The following CD36 variants were observed in gnomAD, a reference collection of about 807,000 sequenced individuals.
CD36 encodes CD36 molecule (CD36 blood group).
CD36 carries 119 observed loss-of-function variants against 55.2 expected under a neutral mutation model. That is an observed-to-expected ratio of 2.15 (90% CI 1.86 to 2.51). CD36 has a LOEUF of 2.51. CD36 is among the 30% of genes most tolerant of loss of function. The pLI, the probability that CD36 is intolerant of heterozygous loss-of-function variation, is 0.00. For missense variants in CD36, 819 were observed against 555.5 expected, an observed-to-expected ratio of 1.47 and a Z score of -4.77; for synonymous variants, 186 against 193.6, an observed-to-expected ratio of 0.96 and a Z score of 0.33.
chr7:80,673,300 G>T (rs1797900343), intron 12 of CD36, 55 bp from the exon 13 acceptor site: 5 of 801,954 alleles, frequency 6.2e-6, no homozygotes, highest in Non-Finnish European at 1.0e-5. Context: ...TTTAAAGTTT[G>T]TTATATATAA....
At chr7:80,666,727 C>CT (rs1453801477) in intron 8 of CD36, among the ~76,000 whole-genome samples, 1 of 152,150 alleles carries the variant, frequency 6.6e-6, no homozygotes, top group Non-Finnish European at 1.5e-5. Flanking sequence ...GAAATGTTTG[C>CT]TTTGTAAAAA....
At chr7:80,657,649 ACT>A (rs989710862) in intron 4 of CD36, among the ~76,000 whole-genome samples, 1 of 151,760 alleles carries the variant, frequency 6.6e-6, no homozygotes, top group African/African-American at 2.4e-5. Flanking sequence ...AATTATAGAC[ACT>A]CTGTCTTTTT....
rs780628336 is a variant in CD36 at position 80,673,341 on chromosome 7, AACG to A, written c.1200-13_1200-11del. ...AGTTTATATGTTCATAATTATTTTC[AACG>A]TATATTACAGAGTATTAAAGAATCT... On this transcript the variant is annotated splice_polypyrimidine_tract_variant and intron_variant, in intron 12 of 14. Transcript: ENST00000447544. 47 of 1,201,690 alleles carry A rather than the reference AACG, an allele frequency of 3.9e-5. No individual in the cohort carries two copies. In the East Asian group the frequency reaches 6.9e-4, roughly 18 times the overall value. The allele number at this position is 1,201,690 out of a possible 1,614,324, so 74.4% of individuals were successfully genotyped here.
chr7:80,630,546 G>A (rs1005071921), intron 1 of CD36, among the ~76,000 whole-genome samples: 2 of 151,996 alleles, frequency 1.3e-5, no homozygotes, highest in Non-Finnish European at 2.9e-5. Context: ...CAATCTTTTG[G>A]GATGTGCTTC....
chr7:80,622,414 G>T (rs529283940), intron 1 of CD36, among the ~76,000 whole-genome samples: 11 of 152,106 alleles, frequency 7.2e-5, no homozygotes, highest in Non-Finnish European at 1.5e-4. Flanking sequence ...GAACAAAGAA[G>T]AATAATGGCA....
In CD36 at chr7:80,676,644, T is replaced by C. The variant is rs1798174924; in HGVS notation, c.*261T>C. ...ATAATTGGCTTATGACTCATATTTC[T>C]CTATGAATACCTTCATACAGCAGGT... On this transcript the variant is annotated 3_prime_UTR_variant, in exon 15 of 15. Transcript: ENST00000447544. 1 of 152,200 alleles carries C rather than the reference T, an allele frequency of 6.6e-6. No individual in the cohort carries two copies. The highest frequency in any genetic ancestry group is 1.5e-5 in the Non-Finnish European group (1 of 68,030). 9.4% of individuals were successfully genotyped at this position (152,200 alleles called of 1,614,324 possible).
intron 1 of CD36, among the ~76,000 whole-genome samples, chr7:80,615,153 C>T (rs1793078478): frequency 6.6e-6 from 1 of 152,166 alleles, no homozygotes; most frequent in Non-Finnish European, 1.5e-5. Context: ...AGGCTGAATA[C>T]AAGTTTTAGT....
At chr7:80,628,103 G>C (rs1341555515) in intron 1 of CD36, among the ~76,000 whole-genome samples, 1 of 151,834 alleles carries the variant, frequency 6.6e-6, no homozygotes, top group Non-Finnish European at 1.5e-5. Flanking sequence ...TCAGATACTG[G>C]AATAAACAAA....
intron 1 of CD36, among the ~76,000 whole-genome samples, chr7:80,631,711 C>A (rs1490727951): frequency 1.3e-5 from 2 of 151,406 alleles, no homozygotes; most frequent in Non-Finnish European, 2.9e-5. Flanking sequence ...TATCTGAATT[C>A]TAATATTTTC....
At chr7:80,646,630 T>A in intron 2 of CD36, 22 bp from the exon 3 acceptor site, 1 of 1,304,538 alleles carries the variant, frequency 7.7e-7, no homozygotes. Flanking sequence ...GCTTCTGTTT[T>A]ATGATCTCTT....
At chr7:80,665,245 T>C (rs2116738036) in intron 7 of CD36, among the ~76,000 whole-genome samples, 1 of 152,062 alleles carries the variant, frequency 6.6e-6, no homozygotes, top group African/African-American at 2.4e-5. Flanking sequence ...GAATTTATAA[T>C]TTATCATATA....
chr7:80,672,941 C>A, intron 12 of CD36, 98 bp downstream of exon 12: 1 of 778,746 alleles, frequency 1.3e-6, no homozygotes, highest in Admixed American at 2.0e-5. Flanking sequence ...GTGGAAATAA[C>A]ATCTGATATC....
upstream of CD36, chr7:80,637,025 G>A (rs1322697989): frequency 6.6e-6 from 1 of 151,950 alleles, no homozygotes; most frequent in Non-Finnish European, 1.5e-5. Context: ...GTCAACTTAG[G>A]CATCTATTTT....
At chr7:80,654,011 A>AC (rs1454885026) in intron 3 of CD36, among the ~76,000 whole-genome samples, 1 of 152,184 alleles carries the variant, frequency 6.6e-6, no homozygotes, top group African/African-American at 2.4e-5. Flanking sequence ...CCTCTAAAAA[A>AC]ATGGACGGGG....
Position 80,676,447 on chromosome 7 carries a change from A to G in CD36, c.*64A>G, listed in dbSNP as rs940388245. ...TCAATAATTGGTTTCTGGGTGGCCA[A>G]TTCAGAAGAAGAGTGTACATGCTCA... is the stretch of plus-strand genomic sequence containing the variant. On this transcript the variant is annotated 3_prime_UTR_variant, in exon 15 of 15. Transcript: ENST00000447544. The G allele has an allele frequency of 4.6e-5, 7 of 152,162 alleles. No homozygotes were observed. Among genetic ancestry groups the G allele is most frequent in the African/African-American group, 9.7e-5 (4 of 41,440 alleles). 9.4% of individuals were successfully genotyped at this position (152,162 alleles called of 1,614,324 possible).
At position 80,672,128 on chromosome 7, in the gene CD36, CAATA is replaced by C. The variant is rs878965877; in HGVS notation, c.1125+94_1125+97del. The C allele has an allele frequency of 5.7e-4, 602 of 1,051,106 alleles. 14 individuals are homozygous for C. The South Asian group carries it at 7.5e-3, about 13-fold the overall frequency. The allele number at this position is 1,051,106 out of a possible 1,614,324, so 65.1% of individuals were successfully genotyped here. On this transcript the variant is annotated intron_variant, in intron 11 of 14. Transcript: ENST00000447544. ...ATAATCTTGTCGATGATTATTTATT[CAATA>C]AATAATCATATTTATTGAATCACAT...
chr7:80,624,437 A>G (rs1293960638), intron 1 of CD36, among the ~76,000 whole-genome samples: 1 of 152,180 alleles, frequency 6.6e-6, no homozygotes, highest in African/African-American at 2.4e-5. Flanking sequence ...GTAGAGGGAT[A>G]AGTCAAATGA....
intron 1 of CD36, among the ~76,000 whole-genome samples, chr7:80,645,265 C>T (rs1350609544): frequency 6.6e-6 from 1 of 151,384 alleles, no homozygotes; most frequent in Non-Finnish European, 1.5e-5. Flanking sequence ...GGTGATCCAC[C>T]CGCCTCAGCC....
At chr7:80,659,036 C>G (rs923726430) in intron 4 of CD36, among the ~76,000 whole-genome samples, 1 of 152,266 alleles carries the variant, frequency 6.6e-6, no homozygotes, top group African/African-American at 2.4e-5. Flanking sequence ...ATAGCTCTTT[C>G]TGTAACAATT....
Sources: gnomAD v4.1 joint callset for allele counts (sites outside exome capture counted in the v4.1 genomes callset) on GRCh38, gnomAD v4.1.1 for gene constraint, MANE v1.5 for transcripts, NCBI Gene and HGNC (gene_info 2026-07-23, HGNC 2026-07-21) for gene names.